Variants in SUGCT observed in about 807,000 individuals in gnomAD.
The protein encoded by SUGCT is succinyl-CoA:glutarate CoA-transferase.
In SUGCT, 41 loss-of-function variants were observed where a neutral mutation model predicts 55.0. The ratio of observed to expected loss-of-function variants is 0.74; its 90% CI spans 0.58 to 0.97. SUGCT has a LOEUF of 0.97. SUGCT is among the 50% of genes least tolerant of loss of function. The pLI, the probability that SUGCT is intolerant of heterozygous loss-of-function variation, is 0.00. For missense variants in SUGCT, 568 were observed against 547.8 expected (o/e 1.04, Z -0.37); for synonymous variants, 187 against 200.4 (o/e 0.93, Z 0.56).
At chr7:40,291,498 A>C in intron 8 of SUGCT, among the ~76,000 whole-genome samples, 1 of 103,964 alleles carries the variant, frequency 9.6e-6, no homozygotes. Flanking sequence ...CACTCTGGGG[A>C]CTGTTGTGGG....
At chr7:40,701,039 G>C (rs1785151704) in intron 12 of SUGCT, among the ~76,000 whole-genome samples, 1 of 152,170 alleles carries the variant, frequency 6.6e-6, no homozygotes, top group Non-Finnish European at 1.5e-5. Flanking sequence ...TGGTCCTGCT[G>C]AAACCCTGGC....
chr7:40,145,952 T>G (rs191635453), intron 1 of SUGCT, among the ~76,000 whole-genome samples: 5 of 152,370 alleles, frequency 3.3e-5, no homozygotes, highest in African/African-American at 1.2e-4. Context: ...CAAGGTCTGG[T>G]CAGACCTTTG....
chr7:40,389,588 T>A (rs1290754539), intron 9 of SUGCT, among the ~76,000 whole-genome samples: 2 of 152,204 alleles, frequency 1.3e-5, no homozygotes, highest in African/African-American at 4.8e-5. Context: ...CTGTGTCAGT[T>A]TATATCCTAA....
chr7:40,400,017 C>A (rs1430610664), intron 9 of SUGCT, among the ~76,000 whole-genome samples: 1 of 151,732 alleles, frequency 6.6e-6, no homozygotes, highest in East Asian at 1.9e-4. Flanking sequence ...CCACTGCACT[C>A]CAGTCTGGTG....
At chr7:40,469,734 A>G (rs551354582) in intron 11 of SUGCT, among the ~76,000 whole-genome samples, 29 of 148,692 alleles carry the variant, frequency 2.0e-4, no homozygotes, top group African/African-American at 7.2e-4. Flanking sequence ...TTTTTTTTCC[A>G]AGAGGGCTAT....
chr7:40,309,114 A>G (rs1160757009), intron 8 of SUGCT, among the ~76,000 whole-genome samples: 3 of 152,018 alleles, frequency 2.0e-5, no homozygotes, highest in Non-Finnish European at 2.9e-5. Flanking sequence ...TTAAAAGAGC[A>G]CTCTCTGTGA....
intron 12 of SUGCT, among the ~76,000 whole-genome samples, chr7:40,516,781 C>T (rs1286696157): frequency 6.6e-6 from 1 of 152,000 alleles, no homozygotes; most frequent in Non-Finnish European, 1.5e-5. Flanking sequence ...CATTTTTCTT[C>T]TTTTTCAAGA....
chr7:40,586,503 A>T (rs1797389309), intron 12 of SUGCT, among the ~76,000 whole-genome samples: 1 of 152,190 alleles, frequency 6.6e-6, no homozygotes, highest in Non-Finnish European at 1.5e-5. Flanking sequence ...AGGAAGAGGA[A>T]CTTGGGTCTT....
At chr7:40,680,428 C>T (rs541053890) in intron 12 of SUGCT, among the ~76,000 whole-genome samples, 164 of 152,184 alleles carry the variant, frequency 1.1e-3, no homozygotes, top group African/African-American at 3.8e-3. Flanking sequence ...CTCATTAGGC[C>T]ATTTAAAATC....
intron 12 of SUGCT, among the ~76,000 whole-genome samples, chr7:40,670,033 T>A (rs1801854760): frequency 4.6e-5 from 7 of 151,174 alleles, no homozygotes; most frequent in Admixed American, 4.6e-4. Flanking sequence ...GAAAAAAATA[T>A]TGAAAACAAC....
downstream of SUGCT, among the ~76,000 whole-genome samples, chr7:40,863,729 A>G (rs1330458130): frequency 1.3e-5 from 2 of 151,802 alleles, no homozygotes; most frequent in Non-Finnish European, 2.9e-5. Flanking sequence ...TTCATAGGAG[A>G]CTCCCTGATG....
chr7:40,657,554 G>A, intron 12 of SUGCT, among the ~76,000 whole-genome samples: 1 of 151,896 alleles, frequency 6.6e-6, no homozygotes, highest in Non-Finnish European at 1.5e-5. Context: ...GGGCTGGAGT[G>A]CAGTGGCGCA....
At chr7:41,004,582 C>A in the SUGCT span, among the ~76,000 whole-genome samples, 1 of 152,186 alleles carries the variant, frequency 6.6e-6, no homozygotes, top group African/African-American at 2.4e-5. Flanking sequence ...ACAAATACCA[C>A]CAGGTTCAGA....
chr7:40,707,644 C>G (rs1470873914), intron 12 of SUGCT, among the ~76,000 whole-genome samples: 1 of 152,108 alleles, frequency 6.6e-6, no homozygotes, highest in Non-Finnish European at 1.5e-5. Flanking sequence ...ATTTTAAAAC[C>G]AGCACCTACA....
At chr7:40,731,914 C>T (rs532221875) in intron 12 of SUGCT, among the ~76,000 whole-genome samples, 43 of 152,126 alleles carry the variant, frequency 2.8e-4, no homozygotes, top group South Asian at 2.1e-3. Flanking sequence ...AGATTGATTC[C>T]GGTCTTTGTT....
intron 12 of SUGCT, among the ~76,000 whole-genome samples, chr7:40,553,224 A>G (rs1055369148): frequency 1.3e-5 from 2 of 152,224 alleles, no homozygotes; most frequent in African/African-American, 4.8e-5. Flanking sequence ...TGATGCATTA[A>G]AGAAAGAATG....
At chr7:40,423,072 A>G (rs1787397720) in intron 9 of SUGCT, among the ~76,000 whole-genome samples, 1 of 152,142 alleles carries the variant, frequency 6.6e-6, no homozygotes, top group African/African-American at 2.4e-5. Flanking sequence ...AGGCACAGAG[A>G]GGTTAAATAG....
intron 7 of SUGCT, among the ~76,000 whole-genome samples, chr7:40,255,696 CT>C (rs1790769314): frequency 7.8e-6 from 1 of 128,830 alleles, no homozygotes; most frequent in African/African-American, 3.0e-5. Context: ...AAGAAAATAA[CT>C]GTCTGCATTG....
At chr7:40,332,488 A>C (rs577271423) in intron 9 of SUGCT, among the ~76,000 whole-genome samples, 1 of 146,152 alleles carries the variant, frequency 6.8e-6, no homozygotes, top group African/African-American at 2.5e-5. Context: ...AATTTAAGAT[A>C]TATTTCTAGT....
Sources: gnomAD v4.1 joint callset for allele counts (sites outside exome capture counted in the v4.1 genomes callset) on GRCh38, gnomAD v4.1.1 for gene constraint, MANE v1.5 for transcripts, NCBI Gene and HGNC (gene_info 2026-07-23, HGNC 2026-07-21) for gene names.